Variants in SFRP1 observed in about 807,000 individuals in gnomAD.
The protein encoded by SFRP1 is secreted frizzled-related protein 1.
Under a neutral mutation model 25.9 loss-of-function variants are expected in SFRP1, and 9 were observed. That is an observed-to-expected ratio of 0.35 (90% CI 0.21 to 0.61). The LOEUF (loss-of-function observed/expected upper bound fraction) is 0.61, where lower values mean the gene tolerates loss of function less well. Among genes scored for constraint, SFRP1 ranks in the 20% least tolerant of loss-of-function variants. The pLI, the probability that SFRP1 is intolerant of heterozygous loss-of-function variation, is 0.78. For missense variants in SFRP1, 346 were observed against 418.2 expected (o/e 0.83, Z 1.51); for synonymous variants, 178 against 174.0 (o/e 1.02, Z -0.18).
intron 2 of SFRP1, among the ~76,000 whole-genome samples, chr8:41,272,125 G>A (rs1475360950): frequency 6.6e-6 from 1 of 152,160 alleles, no homozygotes; most frequent in Non-Finnish European, 1.5e-5. Flanking sequence ...GTAAAAAGAT[G>A]TGAAAGAAAG....
At chr8:41,278,481 T>C (rs1803596750) in intron 2 of SFRP1, among the ~76,000 whole-genome samples, 1 of 152,228 alleles carries the variant, frequency 6.6e-6, no homozygotes, top group African/African-American at 2.4e-5. Flanking sequence ...ATCCGTTCAT[T>C]TCAGTCTCCC....
chr8:41,286,371 G>T (rs979958867), intron 2 of SFRP1, among the ~76,000 whole-genome samples: 1 of 152,152 alleles, frequency 6.6e-6, no homozygotes, highest in Non-Finnish European at 1.5e-5. Flanking sequence ...CGCCTCCCCC[G>T]CCGCACAAAC....
intron 2 of SFRP1, among the ~76,000 whole-genome samples, chr8:41,299,691 C>T (rs1224116042): frequency 1.4e-5 from 2 of 141,072 alleles, no homozygotes; most frequent in Admixed American, 1.4e-4. Flanking sequence ...AAAATTCCAA[C>T]ATCCACGTCC....
rs897811495 is a variant in SFRP1, at chr8:41,263,963, C to T, written c.*1204G>A. ...TGTTTCTTTACAGGAAAGAAAAAAA[C>T]GGAAAGCTCTGTGAGTTTTGCTAGG... On this transcript the variant is annotated 3_prime_UTR_variant, in exon 3 of 3. Coordinates refer to ENST00000220772, the MANE Select transcript of SFRP1 (RefSeq NM_003012.5). 2.0e-5 allele frequency: 3 copies of T among 152,132 alleles called. No individual in the cohort carries two copies. Among genetic ancestry groups the T allele is most frequent in the Non-Finnish European group, 2.9e-5 (2 of 68,020 alleles). The allele number at this position is 152,132 out of a possible 1,614,324, so 9.4% of individuals were successfully genotyped here. A position where few individuals can be genotyped will look rare whatever the true frequency, so the allele number is the denominator to read the frequency against.
At chr8:41,278,404 ATCATTTTACT>A (rs1449865736) in intron 2 of SFRP1, among the ~76,000 whole-genome samples, 9 of 152,334 alleles carry the variant, frequency 5.9e-5, no homozygotes, top group Non-Finnish European at 1.0e-4. Context: ...CTTGGGTAAA[ATCATTTTACT>A]TCTCTGGATC....
chr8:41,271,142 T>C (rs751615648), intron 2 of SFRP1: 1 of 154,126 alleles, frequency 6.5e-6, no homozygotes, highest in Non-Finnish European at 1.5e-5. Context: ...CTAAGAATAG[T>C]TCAAAAGAAA....
chr8:41,286,500 G>A lies in SFRP1; in HGVS notation c.622+16961C>T, dbSNP rs947629102. Among the ~76,000 whole-genome samples the A allele has an allele frequency of 4.0e-5, 6 of 151,054 alleles. 1 individual carries two copies. The South Asian group carries it at 6.3e-4, about 16-fold the overall frequency. On this transcript the variant is annotated intron_variant, in intron 2 of 2. Transcript: ENST00000220772. The stretch of plus-strand genomic sequence containing the variant: ...TGGCTCCTCCTTGGATAAAGGAAGC[G>A]GGGCGGGGGGAGGGGGTTCAGCCCT...
Position 41,264,176 on chromosome 8 carries a change from C to T in SFRP1, c.*991G>A, listed in dbSNP as rs1803406610. On this transcript the variant is annotated 3_prime_UTR_variant, in exon 3 of 3. Coordinates refer to ENST00000220772, the MANE Select transcript of SFRP1 (RefSeq NM_003012.5). ...ATGCTCAATGTAGACTGTTTTAAAA[C>T]CTTGAAAAATAAGTGGGTGTTTGTC... 1 of 152,162 alleles carries T rather than the reference C, an allele frequency of 6.6e-6. No homozygotes were observed. Among genetic ancestry groups the T allele is most frequent in the Admixed American group, 6.5e-5 (1 of 15,272 alleles). 9.4% of individuals were successfully genotyped at this position (152,162 alleles called of 1,614,324 possible).
intron 2 of SFRP1, among the ~76,000 whole-genome samples, chr8:41,269,808 G>C (rs1803481128): frequency 6.6e-6 from 1 of 152,182 alleles, no homozygotes; most frequent in Non-Finnish European, 1.5e-5. Context: ...GTTGCATTAG[G>C]AATCAATCTT....
chr8:41,307,951 T>C (rs891247122), intron 1 of SFRP1, among the ~76,000 whole-genome samples: 3 of 152,114 alleles, frequency 2.0e-5, no homozygotes, highest in Non-Finnish European at 4.4e-5. Context: ...GAGAAAAGAC[T>C]TTCCACCCCC....
chr8:41,279,952 A>G (rs1803614307), intron 2 of SFRP1, among the ~76,000 whole-genome samples: 2 of 152,118 alleles, frequency 1.3e-5, no homozygotes, highest in Admixed American at 6.5e-5. Context: ...CTACACCTGA[A>G]TAGTCTCTTT....
At chr8:41,306,922 C>T (rs1804005915) in intron 1 of SFRP1, 4 of 1,562,186 alleles carry the variant, frequency 2.6e-6, no homozygotes, top group Non-Finnish European at 3.4e-6. Flanking sequence ...CCGTCCAATC[C>T]CCCCATGTTC....
In SFRP1 at chr8:41,303,383, C is replaced by T. The variant is rs529871095; in HGVS notation, c.622+78G>A. 4 of 1,037,534 alleles carry T rather than the reference C, an allele frequency of 3.9e-6. No individual in the cohort carries two copies. The Admixed American group carries it at 5.2e-5, about 14-fold the overall frequency. The allele number at this position is 1,037,534 out of a possible 1,614,324, so 64.3% of individuals were successfully genotyped here. ...TATGGAAAGCTGCAACGAGATACAT[C>T]AGCAGGGCCTCCGTCTGGCAGAGGC... On this transcript the variant is annotated intron_variant, in intron 2 of 2. Transcript: ENST00000220772.
intron 2 of SFRP1, among the ~76,000 whole-genome samples, chr8:41,287,370 T>A (rs534909727): frequency 6.6e-6 from 1 of 152,212 alleles, no homozygotes; most frequent in East Asian, 1.9e-4. Flanking sequence ...TCGGCCACCA[T>A]GGCCGAAGCG....
At chr8:41,302,941 AC>A (rs1187657175) in intron 2 of SFRP1, among the ~76,000 whole-genome samples, 1 of 149,868 alleles carries the variant, frequency 6.7e-6, no homozygotes, top group African/African-American at 2.5e-5. Flanking sequence ...CCTGATGAGG[AC>A]CCCCACTCTG....
At chr8:41,305,439 G>A (rs1364475639) in intron 1 of SFRP1, among the ~76,000 whole-genome samples, 2 of 152,190 alleles carry the variant, frequency 1.3e-5, no homozygotes, top group Non-Finnish European at 2.9e-5. Context: ...GTTGGGGTGG[G>A]CTCTGTGTGT....
chr8:41,294,585 TA>T (rs1229625963), intron 2 of SFRP1, among the ~76,000 whole-genome samples: 1 of 152,176 alleles, frequency 6.6e-6, no homozygotes. Flanking sequence ...TCAGAATTTG[TA>T]AATGATGTCC....
intron 2 of SFRP1, among the ~76,000 whole-genome samples, chr8:41,296,879 A>C (rs1478253775): frequency 6.6e-6 from 1 of 152,188 alleles, no homozygotes; most frequent in Non-Finnish European, 1.5e-5. Context: ...TTCAGCCCTC[A>C]TCACTGTCTG....
chr8:41,292,105 C>T (rs2117506975), intron 2 of SFRP1, among the ~76,000 whole-genome samples: 1 of 152,330 alleles, frequency 6.6e-6, no homozygotes, highest in South Asian at 2.1e-4. Flanking sequence ...CCACTAAAAA[C>T]TTCCACTCCT....
Sources: gnomAD v4.1 joint callset for allele counts (sites outside exome capture counted in the v4.1 genomes callset) on GRCh38, gnomAD v4.1.1 for gene constraint, MANE v1.5 for transcripts, NCBI Gene and HGNC (gene_info 2026-07-23, HGNC 2026-07-21) for gene names.